Variants in ALPK1 observed in about 807,000 individuals in gnomAD.
ALPK1 encodes alpha kinase 1.
In ALPK1, 110 loss-of-function variants were observed where a neutral mutation model predicts 120.6. The ratio of observed to expected loss-of-function variants is 0.91; its 90% CI spans 0.78 to 1.07. The LOEUF (loss-of-function observed/expected upper bound fraction) is 1.07, where lower values mean the gene tolerates loss of function less well. Ranked by LOEUF, ALPK1 falls within the 50% of genes least tolerant of loss-of-function variation. The pLI, the probability that ALPK1 is intolerant of heterozygous loss-of-function variation, is 0.00. For synonymous variants in ALPK1, 582 were observed against 560.3 expected (o/e 1.04, Z -0.55); for missense variants, 1,498 against 1,483.9 (o/e 1.01, Z -0.16).
intron 2 of ALPK1, among the ~76,000 whole-genome samples, chr4:112,343,996 T>C (rs1729994561): frequency 6.6e-6 from 1 of 152,186 alleles, no homozygotes; most frequent in Non-Finnish European, 1.5e-5. Flanking sequence ...TGTAGTTGTA[T>C]AGGATGAAAA....
intron 10 of ALPK1, among the ~76,000 whole-genome samples, chr4:112,429,666 T>C (rs1398510929): frequency 1.3e-5 from 2 of 151,734 alleles, no homozygotes; most frequent in African/African-American, 4.8e-5. Context: ...AGACTTTGTC[T>C]CTACAAAAAA....
chr4:112,421,757 A>G (rs1734002506), intron 5 of ALPK1, among the ~76,000 whole-genome samples: 2 of 152,180 alleles, frequency 1.3e-5, no homozygotes, highest in African/African-American at 4.8e-5. Flanking sequence ...CACGGTAGCC[A>G]TACTTTCACA....
chr4:112,431,409 G>C lies in ALPK1; in HGVS notation c.1862G>C (p.Cys621Ser), dbSNP rs757701428. 6.2e-7 allele frequency: 1 copy of C among 1,614,236 alleles called. No individual in the cohort carries two copies. The highest frequency in any genetic ancestry group is 1.1e-5 in the South Asian group (1 of 91,090). The change falls in exon 11 of 16, where the codon TGT becomes TCT. Residue 621 changes from cysteine to serine, a missense_variant. Transcript: ENST00000650871. ...PGKEHLVDTQ[C>S]STALSEELEN... ...AAAGAACATCTGGTGGACACTCAGT[G>C]TTCCACTGCCTTGTCTGAGGAGCTA...
At position 112,426,467 on chromosome 4, in the gene ALPK1, G is replaced by C; in HGVS notation, c.623G>C (p.Gly208Ala). ...TCCCCGCCCCTCTTTTTTTTTTCAG[G>C]GATGTGGTACGAAGCAGCAGAGTTA... The part of the protein sequence containing the change: ...QIRGQILQKL[G>A]MWYEAAELIW... Residue 208 changes from glycine (G) to alanine (A), a missense_variant and splice_region_variant, in exon 8 of 16, where the codon GGG (glycine) becomes GCG (alanine). By Grantham distance (60) the Gly-to-Ala change is moderately conservative. Coordinates refer to ENST00000650871, the MANE Select transcript of ALPK1 (RefSeq NM_025144.4). 6.2e-7 allele frequency: 1 copy of C among 1,606,480 alleles called. No individual in the cohort carries two copies.
At chr4:112,313,349 A>G (rs1210002886) in intron 1 of ALPK1, among the ~76,000 whole-genome samples, 1 of 152,220 alleles carries the variant, frequency 6.6e-6, no homozygotes, top group Non-Finnish European at 1.5e-5. Flanking sequence ...CCAAGAGAGT[A>G]TGGTTTCCTG....
At chr4:112,418,242 T>C (rs979548259) in intron 5 of ALPK1, among the ~76,000 whole-genome samples, 10 of 152,218 alleles carry the variant, frequency 6.6e-5, no homozygotes, top group Non-Finnish European at 1.2e-4. Context: ...GGTTCCATGC[T>C]GGCCAAACTC....
At chr4:112,375,411 A>G (rs930798454) in intron 2 of ALPK1, among the ~76,000 whole-genome samples, 1 of 151,786 alleles carries the variant, frequency 6.6e-6, no homozygotes, top group Non-Finnish European at 1.5e-5. Flanking sequence ...AATTATCTTA[A>G]CTAGCTTTTC....
intron 14 of ALPK1, 87 bp downstream of exon 14, chr4:112,439,959 A>C: frequency 1.7e-6 from 2 of 1,184,742 alleles, no homozygotes; most frequent in Non-Finnish European, 2.3e-6. Flanking sequence ...TTTACTTAAT[A>C]GATTGTTCCA....
At chr4:112,383,685 T>A (rs1423276673) in intron 4 of ALPK1, 2 of 152,238 alleles carry the variant, frequency 1.3e-5, no homozygotes, top group Non-Finnish European at 2.9e-5. Context: ...ATAACTTAAC[T>A]ATCACTATAG....
Position 112,402,921 on chromosome 4 carries a change from G to A in ALPK1, c.277-8906G>A, listed in dbSNP as rs192282185. 1.0e-3 allele frequency among the ~76,000 whole-genome samples: 156 copies of A among 152,146 alleles called. 2 individuals are homozygous for A. Among genetic ancestry groups the A allele is most frequent in the Middle Eastern group, 6.8e-3 (2 of 294 alleles). On this transcript the variant is annotated intron_variant, in intron 4 of 15. Coordinates refer to ENST00000650871, the MANE Select transcript of ALPK1 (RefSeq NM_025144.4). ...CCTCTGTGATGGCAGGTCAGTCGTG[G>A]GCCTAAAAACCCAAACAAAAAGAAT... is the stretch of plus-strand genomic sequence containing the variant.
chr4:112,300,132 C>T (rs1416263492), intron 1 of ALPK1, among the ~76,000 whole-genome samples: 1 of 151,910 alleles, frequency 6.6e-6, no homozygotes, highest in East Asian at 1.9e-4. Context: ...GGAGGTTAAG[C>T]AAAAGATACT....
intron 2 of ALPK1, among the ~76,000 whole-genome samples, chr4:112,335,402 T>C (rs1392123116): frequency 5.9e-5 from 9 of 152,346 alleles, no homozygotes; most frequent in African/African-American, 2.2e-4. Flanking sequence ...GTTCTTTTCA[T>C]TTTGCAAAAG....
At chr4:112,420,069 C>T (rs1308898142) in intron 5 of ALPK1, among the ~76,000 whole-genome samples, 2 of 152,166 alleles carry the variant, frequency 1.3e-5, no homozygotes, top group African/African-American at 4.8e-5. Flanking sequence ...GGATGAATGA[C>T]AAATAGCTAC....
chr4:112,381,524 C>A (rs925723924), intron 3 of ALPK1, among the ~76,000 whole-genome samples: 4 of 152,174 alleles, frequency 2.6e-5, no homozygotes, highest in Admixed American at 2.6e-4. Flanking sequence ...ACCCTGGCAT[C>A]ACATGTGTAC....
Position 112,377,819 on chromosome 4 carries a change from C to A in ALPK1, c.42C>A (p.Cys14Ter). 6.2e-7 allele frequency: 1 copy of A among 1,613,416 alleles called. No homozygotes were observed. The highest frequency in any genetic ancestry group is 8.5e-7 in the Non-Finnish European group (1 of 1,179,646). The change falls in exon 3 of 16, where the codon TGC becomes TGA. Residue 14 changes from cysteine to a stop codon, truncating the protein, a stop_gained. Transcript: ENST00000650871. LOFTEE classifies it high-confidence loss of function. Reference sequence around the variant, plus strand: ...TGGTAGCTGTGCTACTGCAAGAGTGCAAGCAAGTGCTGGATCAGCTCTTGT... The same window carrying A: ...TGGTAGCTGTGCTACTGCAAGAGTGAAAGCAAGTGCTGGATCAGCTCTTGT... Reference protein sequence around the residue: ...QKVVAVLLQECKQVLDQLLLE... With the variant: ...QKVVAVLLQE
At chr4:112,437,478 C>A (rs1734835386) in intron 12 of ALPK1, among the ~76,000 whole-genome samples, 2 of 152,196 alleles carry the variant, frequency 1.3e-5, no homozygotes, top group Non-Finnish European at 2.9e-5. Context: ...GCTCCAGTAG[C>A]CAGTACTCAC....
At chr4:112,328,910 C>T (rs1729233868) in intron 2 of ALPK1, among the ~76,000 whole-genome samples, 1 of 152,110 alleles carries the variant, frequency 6.6e-6, no homozygotes, top group Non-Finnish European at 1.5e-5. Flanking sequence ...GGTCATTATC[C>T]CCAGAGAGCC....
intron 2 of ALPK1, among the ~76,000 whole-genome samples, chr4:112,340,910 TG>T (rs1233308290): frequency 6.6e-6 from 1 of 152,260 alleles, no homozygotes; most frequent in Admixed American, 6.5e-5. Flanking sequence ...ATGTGTGATT[TG>T]CAGTCCATGT....
At chr4:112,314,449 T>G (rs1319191460) in intron 1 of ALPK1, among the ~76,000 whole-genome samples, 2 of 152,018 alleles carry the variant, frequency 1.3e-5, no homozygotes, top group Admixed American at 1.3e-4. Flanking sequence ...TCTGGAAGGG[T>G]TGCTGTGATT....
Sources: gnomAD v4.1 joint callset for allele counts (sites outside exome capture counted in the v4.1 genomes callset) on GRCh38, gnomAD v4.1.1 for gene constraint, MANE v1.5 for transcripts, NCBI Gene and HGNC (gene_info 2026-07-23, HGNC 2026-07-21) for gene names.